The following KCTD1 variants were observed in gnomAD, a reference collection of about 807,000 sequenced individuals.
KCTD1 encodes the protein potassium channel tetramerization domain containing 1.
In KCTD1, 24 loss-of-function variants were observed where a neutral mutation model predicts 66.0. That is an observed-to-expected ratio of 0.36 (90% CI 0.26 to 0.51). The LOEUF (loss-of-function observed/expected upper bound fraction) is 0.51, where lower values mean the gene tolerates loss of function less well. Ranked by LOEUF, KCTD1 falls within the 20% of genes least tolerant of loss-of-function variation. The probability of loss-of-function intolerance (pLI) is 0.95; values close to 1 mark genes in which losing one functional copy is unlikely to be tolerated. For synonymous variants in KCTD1, 511 were observed against 517.2 expected, an observed-to-expected ratio of 0.99 and a Z score of 0.16; for missense variants, 943 against 1,205.2, an observed-to-expected ratio of 0.78 and a Z score of 3.22.
intron 1 of KCTD1, among the ~76,000 whole-genome samples, chr18:26,522,439 C>A (rs1277929450): frequency 1.3e-5 from 2 of 152,214 alleles, no homozygotes; most frequent in Non-Finnish European, 2.9e-5. Flanking sequence ...ATGGAACCAA[C>A]CACGCCGACG....
At chr18:26,466,665 G>A (rs1271353742) in intron 3 of KCTD1, among the ~76,000 whole-genome samples, 1 of 152,146 alleles carries the variant, frequency 6.6e-6, no homozygotes, top group Non-Finnish European at 1.5e-5. Flanking sequence ...GCAGCCTAAG[G>A]AGCATGCAAC....
At chr18:26,642,050 A>G (rs961028010), upstream of KCTD1, among the ~76,000 whole-genome samples, 1 of 152,128 alleles carries the variant, frequency 6.6e-6, no homozygotes, top group Admixed American at 6.5e-5. Flanking sequence ...GCTCTATTTA[A>G]TCCCCTCTTC....
In KCTD1 at chr18:26,491,754, C is replaced by T. The variant is rs145847201; in HGVS notation, c.1988+9318G>A. Among the ~76,000 whole-genome samples, 436 of 152,212 alleles carry T rather than the reference C, an allele frequency of 2.9e-3. 6 individuals are homozygous for T. Among genetic ancestry groups the T allele is most frequent in the Non-Finnish European group, 2.0e-3 (136 of 68,014 alleles). Reference sequence around the variant, plus strand: ...CATGTCCCAGCACTAACAGAGATGCCCTTGGCTAGGGAATAAGGTGAAGGC... The same window carrying T: ...CATGTCCCAGCACTAACAGAGATGCTCTTGGCTAGGGAATAAGGTGAAGGC... On this transcript the variant is annotated intron_variant, in intron 2 of 4. Coordinates refer to ENST00000580059, the MANE Select transcript of KCTD1 (RefSeq NM_001142730.3).
chr18:26,570,620 A>G (rs1217868160), intron 1 of KCTD1, among the ~76,000 whole-genome samples: 1 of 152,122 alleles, frequency 6.6e-6, no homozygotes, highest in Non-Finnish European at 1.5e-5. Flanking sequence ...TATGTTTCCC[A>G]GGCTGGTCTG....
At chr18:26,506,035 CT>C (rs1309707730) in intron 1 of KCTD1, among the ~76,000 whole-genome samples, 1 of 152,036 alleles carries the variant, frequency 6.6e-6, no homozygotes, top group Non-Finnish European at 1.5e-5. Flanking sequence ...GCCACCACCC[CT>C]GGCTAATTTT....
intron 1 of KCTD1, among the ~76,000 whole-genome samples, chr18:26,505,132 G>C (rs1982965119): frequency 6.6e-6 from 1 of 152,268 alleles, no homozygotes; most frequent in Non-Finnish European, 1.5e-5. Context: ...AATCCTTCCT[G>C]TTACACAGCT....
At chr18:26,606,485 C>G (rs1987018378) in intron 1 of KCTD1, among the ~76,000 whole-genome samples, 1 of 152,170 alleles carries the variant, frequency 6.6e-6, no homozygotes, top group Non-Finnish European at 1.5e-5. Flanking sequence ...ATCTGGCTGG[C>G]CTCGTGACTT....
intron 1 of KCTD1, among the ~76,000 whole-genome samples, chr18:26,595,452 G>A (rs1277165361): frequency 4.6e-5 from 7 of 152,150 alleles, no homozygotes; most frequent in African/African-American, 1.4e-4. Context: ...GCTTTGGCAC[G>A]TGACTATATT....
upstream of KCTD1, chr18:26,548,710 A>C: frequency 5.1e-6 from 3 of 585,928 alleles, no homozygotes; most frequent in Non-Finnish European, 4.1e-6. Flanking sequence ...AGCGGCGCGC[A>C]GGGGATGGAG....
intron 1 of KCTD1, among the ~76,000 whole-genome samples, chr18:26,542,224 T>C (rs1985004370): frequency 6.6e-6 from 1 of 152,226 alleles, no homozygotes; most frequent in African/African-American, 2.4e-5. Context: ...TAAAGCTACG[T>C]TTTCTTTCAT....
intron 1 of KCTD1, among the ~76,000 whole-genome samples, chr18:26,553,704 T>C (rs1985630784): frequency 6.6e-6 from 1 of 152,116 alleles, no homozygotes; most frequent in Non-Finnish European, 1.5e-5. Context: ...TAAGTTGATA[T>C]GCACAAAACA....
At chr18:26,493,264 G>A (rs1429875743) in intron 2 of KCTD1, among the ~76,000 whole-genome samples, 2 of 152,174 alleles carry the variant, frequency 1.3e-5, no homozygotes, top group Non-Finnish European at 2.9e-5. Flanking sequence ...GCAAATGTGC[G>A]ATGTCTGTGG....
Position 26,564,254 on chromosome 18 carries a change from C to T in KCTD1, c.-15-63004G>A, listed in dbSNP as rs545353299. On this transcript the variant is annotated intron_variant, in intron 1 of 4. Transcript: ENST00000317932. ...CACTGAGATCAAGCAGTGCTACTTT[C>T]TGACTGTGTAAGCTTGAGCAAGTCA... Among the ~76,000 whole-genome samples the T allele has an allele frequency of 3.8e-4, 58 of 152,312 alleles. 1 individual carries two copies. The South Asian group carries it at 0.012, about 31-fold the overall frequency.
At chr18:26,504,747 T>TA (rs1282407645) in intron 1 of KCTD1, among the ~76,000 whole-genome samples, 2 of 152,224 alleles carry the variant, frequency 1.3e-5, no homozygotes, top group Non-Finnish European at 2.9e-5. Context: ...GCACTTGTAT[T>TA]AGACACTGAA....
chr18:26,586,898 A>G (rs1365715307), intron 1 of KCTD1, among the ~76,000 whole-genome samples: 1 of 152,252 alleles, frequency 6.6e-6, no homozygotes, highest in Non-Finnish European at 1.5e-5. Flanking sequence ...ATGAGGTTTA[A>G]GGAAAGAAAC....
At chr18:26,528,344 C>T (rs1984271454) in intron 1 of KCTD1, among the ~76,000 whole-genome samples, 1 of 152,128 alleles carries the variant, frequency 6.6e-6, no homozygotes, top group African/African-American at 2.4e-5. Flanking sequence ...ACCACAGCAA[C>T]AGCTGAACGT....
At chr18:26,570,191 A>AAATATATATATATATATATATATATAT (rs776923644) in intron 1 of KCTD1, among the ~76,000 whole-genome samples, 2 of 132,544 alleles carry the variant, frequency 1.5e-5, no homozygotes, top group East Asian at 4.8e-4. Context: ...ATCTAAAAAA[A>AAATATATATATATATATATATATATAT]ATATATATAT....
intron 1 of KCTD1, among the ~76,000 whole-genome samples, chr18:26,610,684 AAGAG>A (rs893087212): frequency 8.1e-4 from 123 of 151,972 alleles, no homozygotes; most frequent in Non-Finnish European, 9.9e-4. Context: ...AGAGAAAGAA[AAGAG>A]AGAAAGAGAA....
intron 2 of KCTD1, among the ~76,000 whole-genome samples, chr18:26,480,649 T>C (rs1315863911): frequency 6.6e-6 from 1 of 152,008 alleles, no homozygotes; most frequent in African/African-American, 2.4e-5. Flanking sequence ...GCACCTGTAA[T>C]CCCAGCAACT....
Sources: allele counts gnomAD v4.1 joint callset (sites outside exome capture counted in the v4.1 genomes callset), GRCh38; gene constraint gnomAD v4.1.1; transcripts MANE v1.5; gene names NCBI Gene and HGNC (gene_info 2026-07-23, HGNC 2026-07-21).